Variants in CLCNKB observed in about 807,000 individuals in gnomAD.
CLCNKB encodes chloride channel protein ClC-Kb.
In CLCNKB, 74 loss-of-function variants were observed where a neutral mutation model predicts 83.8. That is an observed-to-expected ratio of 0.88 (90% CI 0.73 to 1.07). The LOEUF is 1.07. Among genes scored for constraint, CLCNKB ranks in the 50% least tolerant of loss-of-function variants. The pLI, the probability that CLCNKB is intolerant of heterozygous loss-of-function variation, is 0.00. For synonymous variants in CLCNKB, 358 were observed against 356.6 expected (o/e 1.00, Z -0.04); for missense variants, 798 against 893.6 (o/e 0.89, Z 1.36).
chr1:16,044,043 G>T (rs1355825876), intron 1 of CLCNKB, among the ~76,000 whole-genome samples, 163 bp downstream of exon 1: 1 of 152,078 alleles, frequency 6.6e-6, no homozygotes, highest in Non-Finnish European at 1.5e-5. Context: ...GGGGTCAGGG[G>T]TGCTCATAGG....
chr1:16,051,640 G>A (rs545792913), intron 13 of CLCNKB, 70 bp from the exon 14 acceptor site: 215 of 1,596,848 alleles, frequency 1.3e-4, no homozygotes, highest in Non-Finnish European at 1.5e-4. Flanking sequence ...TACTGAGGAC[G>A]GTCCTCAGGG....
At chr1:16,045,771 G>A in intron 3 of CLCNKB, 85 bp downstream of exon 3, 1 of 1,200,230 alleles carries the variant, frequency 8.3e-7, no homozygotes, top group Middle Eastern at 2.0e-4. Context: ...GCCAGGTGCA[G>A]CGGAGGTTGG....
chr1:16,056,513 C>T lies in CLCNKB; in HGVS notation c.2016+5C>T. ...GGCTGCGTGTCCTGGGTGGAGGTACCAGGGTCCCGGGGGCAGAGCAAAGCA... is the reference window on the plus strand; with the variant it reads ...GGCTGCGTGTCCTGGGTGGAGGTACTAGGGTCCCGGGGGCAGAGCAAAGCA... On this transcript the variant is annotated splice_donor_5th_base_variant and intron_variant, in intron 19 of 19. Coordinates refer to ENST00000375679, the MANE Select transcript of CLCNKB (RefSeq NM_000085.5). 6.3e-7 allele frequency: 1 copy of T among 1,591,284 alleles called. No homozygotes were observed. The highest frequency in any genetic ancestry group is 1.1e-5 in the South Asian group (1 of 90,672).
rs1276782720 is a variant in CLCNKB, at chr1:16,047,992, T to A, written c.446T>A (p.Val149Glu). The A allele has an allele frequency of 6.2e-7, 1 of 1,614,052 alleles. No homozygotes were observed. Among genetic ancestry groups the A allele is most frequent in the Non-Finnish European group, 8.5e-7 (1 of 1,180,018 alleles). The stretch of plus-strand genomic sequence containing the variant: ...ATCAAGAACTTTGGGGCCAAAGTGG[T>A]GGGCCTCTCCTGCACCCTGGCCTGT... ...LDIKNFGAKV[V>E]GLSCTLACGS... is the part of the protein sequence containing the mutation. Residue 149 changes from valine to glutamate, a missense_variant, in exon 5 of 20, where the codon GTG becomes GAG. Transcript: ENST00000375679.
intron 15 of CLCNKB, 96 bp from the exon 16 acceptor site, chr1:16,053,543 G>A: frequency 6.3e-7 from 1 of 1,579,192 alleles, no homozygotes; most frequent in South Asian, 1.1e-5. Flanking sequence ...AGAGCCGTGG[G>A]TCCCCGGTTC....
At chr1:16,048,688 T>C (rs1344146815) in intron 7 of CLCNKB, 106 bp downstream of exon 7, 10 of 1,550,482 alleles carry the variant, frequency 6.4e-6, no homozygotes, top group African/African-American at 1.4e-5. Context: ...TGGGGCTCAT[T>C]CTAGTTCTCA....
chr1:16,052,541 C>A, intron 15 of CLCNKB, 130 bp downstream of exon 15: 1 of 1,253,374 alleles, frequency 8.0e-7, no homozygotes, highest in Non-Finnish European at 1.1e-6. Flanking sequence ...CACAGCTGTG[C>A]TCTGTTCTCC....
At chr1:16,050,658 G>C in intron 11 of CLCNKB, 58 bp downstream of exon 11, 1 of 1,563,994 alleles carries the variant, frequency 6.4e-7, no homozygotes, top group Non-Finnish European at 8.8e-7. Context: ...TGCCTCCTTT[G>C]CGTGTATCTC....
chr1:16,050,812 G>T, intron 11 of CLCNKB, 63 bp from the exon 12 acceptor site: 1 of 1,606,096 alleles, frequency 6.2e-7, no homozygotes, highest in Admixed American at 1.7e-5. Flanking sequence ...CAGGCGGTGC[G>T]GGGGAGGCTG....
intron 5 of CLCNKB, 85 bp from the exon 6 acceptor site, chr1:16,048,258 G>A: frequency 6.4e-7 from 1 of 1,552,478 alleles, no homozygotes; most frequent in South Asian, 1.1e-5. Context: ...GGAGGAGGGG[G>A]TGTTGGGGGG....
At chr1:16,055,861 C>G (rs575221571) in intron 18 of CLCNKB, 103 bp downstream of exon 18, 78 of 1,056,206 alleles carry the variant, frequency 7.4e-5, no homozygotes, top group Admixed American at 2.9e-4. Context: ...CCGCCCTGCC[C>G]GTCTTATGCT....
chr1:16,047,511 C>T (rs1291271759), intron 4 of CLCNKB, among the ~76,000 whole-genome samples: 3 of 152,080 alleles, frequency 2.0e-5, no homozygotes, highest in Non-Finnish European at 4.4e-5. Flanking sequence ...CACACTGGCT[C>T]ATACCTATAA....
At chr1:16,055,811 A>T (rs1211350399) in intron 18 of CLCNKB, 53 bp downstream of exon 18, 4 of 1,546,128 alleles carry the variant, frequency 2.6e-6, no homozygotes, top group Non-Finnish European at 3.6e-6. Flanking sequence ...GTGGGGGAAG[A>T]GCTGATGAGG....
Position 16,056,473 on chromosome 1 carries a change from C to T in CLCNKB, c.1981C>T (p.Arg661Trp), listed in dbSNP as rs775753658. 1.1e-5 allele frequency: 17 copies of T among 1,559,596 alleles called. No homozygotes were observed. The highest frequency in any genetic ancestry group is 2.5e-5 in the East Asian group (1 of 39,910). Reference protein sequence around the residue: ...LNLHSLFVTSRGRAVGCVSWV... With the variant: ...LNLHSLFVTSWGRAVGCVSWV... ...CCTTCATTCCCTCTTTGTGACGTCG[C>T]GGGGCAGAGCTGTGGGCTGCGTGTC... Residue 661 changes from arginine to tryptophan, a missense_variant, in exon 19 of 20, where the codon CGG becomes TGG. Coordinates refer to ENST00000375679, the MANE Select transcript of CLCNKB (RefSeq NM_000085.5).
Position 16,045,639 on chromosome 1 carries a change from C to T in CLCNKB, c.182C>T (p.Ala61Val). Residue 61 changes from alanine to valine, a missense_variant, in exon 3 of 20, where the codon GCC (alanine) becomes GTC (valine). Physicochemically the swap from Ala to Val is moderately conservative, Grantham distance 64. Transcript: ENST00000375679. ...YFLMTLGVLM[A>V]LVSCAMDLAV... ...CTGATGACCCTCGGGGTGCTCATGGCCCTGGTCAGCTGTGCCATGGACTTG... is the reference window on the plus strand; with the variant it reads ...CTGATGACCCTCGGGGTGCTCATGGTCCTGGTCAGCTGTGCCATGGACTTG... The T allele has an allele frequency of 6.2e-7, 1 of 1,614,060 alleles. No individual in the cohort carries two copies. The highest frequency in any genetic ancestry group is 8.5e-7 in the Non-Finnish European group (1 of 1,179,932).
Position 16,045,590 on chromosome 1 carries a change from C to G in CLCNKB, c.133C>G (p.Arg45Gly), listed in dbSNP as rs367552783. 3 of 1,613,958 alleles carry G rather than the reference C, an allele frequency of 1.9e-6. 1 individual carries two copies. In the South Asian group the frequency reaches 3.3e-5, roughly 18 times the overall value. ...GGAGTGGCTGAAGCAGAAGCTCTTC[C>G]GCCTGGGCGAGGACTGGTACTTCCT... ...GLEWLKQKLF[R>G]LGEDWYFLMT... Residue 45 changes from arginine to glycine, a missense_variant, in exon 3 of 20, where the codon CGC (arginine) becomes GGC (glycine). Coordinates refer to ENST00000375679, the MANE Select transcript of CLCNKB (RefSeq NM_000085.5).
chr1:16,044,394 T>C, intron 1 of CLCNKB, 92 bp from the exon 2 acceptor site: 1 of 848,770 alleles, frequency 1.2e-6, no homozygotes, highest in Admixed American at 2.3e-5. Context: ...ATCTTTCCTC[T>C]TCATGGGTGG....
intron 4 of CLCNKB, 110 bp from the exon 5 acceptor site, chr1:16,047,795 G>A: frequency 1.6e-6 from 2 of 1,262,492 alleles, no homozygotes; most frequent in Non-Finnish European, 2.3e-6. Context: ...TAACTTCAGA[G>A]GGTTCTGCTG....
intron 17 of CLCNKB, 72 bp downstream of exon 17, chr1:16,055,595 G>A (rs2023413582): frequency 6.3e-7 from 1 of 1,590,992 alleles, no homozygotes; most frequent in African/African-American, 1.3e-5. Flanking sequence ...GGGGCCCGCT[G>A]ATATCCTGAG....
Sources: gnomAD v4.1 joint callset for allele counts (sites outside exome capture counted in the v4.1 genomes callset) on GRCh38, gnomAD v4.1.1 for gene constraint, MANE v1.5 for transcripts, NCBI Gene and HGNC (gene_info 2026-07-23, HGNC 2026-07-21) for gene names.